Variants in LSAMP observed in about 807,000 individuals in gnomAD.
LSAMP encodes the protein limbic system-associated membrane protein.
A neutral mutation model predicts 38.6 loss-of-function variants in LSAMP; 7 were observed. The observed-to-expected ratio is 0.18, with a 90% CI of 0.10 to 0.34. The LOEUF is 0.34. Among genes scored for constraint, LSAMP ranks in the 10% least tolerant of loss-of-function variants. LSAMP has a pLI of 1.00. For missense variants in LSAMP, 313 were observed against 420.0 expected (o/e 0.75, Z 2.23); for synonymous variants, 154 against 166.8 (o/e 0.92, Z 0.59).
intron 4 of LSAMP, among the ~76,000 whole-genome samples, chr3:115,848,871 G>C (rs1305276507): frequency 6.6e-6 from 1 of 152,138 alleles, no homozygotes; most frequent in African/African-American, 2.4e-5. Flanking sequence ...AATTTCTCCA[G>C]GAATAGGAAA....
At chr3:116,024,690 A>G (rs1025720555) in intron 2 of LSAMP, among the ~76,000 whole-genome samples, 2 of 152,106 alleles carry the variant, frequency 1.3e-5, no homozygotes, top group Non-Finnish European at 1.5e-5. Context: ...CCTCCATAGA[A>G]TTAAGTTTAG....
chr3:116,383,180 G>A (rs2048583970), intron 1 of LSAMP, among the ~76,000 whole-genome samples: 1 of 152,074 alleles, frequency 6.6e-6, no homozygotes, highest in South Asian at 2.1e-4. Flanking sequence ...AGAAAGTTTG[G>A]AGGCAACAGT....
chr3:116,091,060 C>G (rs926484311), intron 1 of LSAMP, among the ~76,000 whole-genome samples: 2 of 152,188 alleles, frequency 1.3e-5, no homozygotes, highest in Non-Finnish European at 2.9e-5. Flanking sequence ...TATCTCACCT[C>G]TGCAATCTCG....
At chr3:116,431,463 G>T (rs2049280847) in intron 1 of LSAMP, among the ~76,000 whole-genome samples, 1 of 152,024 alleles carries the variant, frequency 6.6e-6, no homozygotes, top group Non-Finnish European at 1.5e-5. Context: ...CTTTTGGTGG[G>T]TAGAGTGATT....
At chr3:116,318,776 G>A (rs750481490) in intron 1 of LSAMP, among the ~76,000 whole-genome samples, 2 of 152,192 alleles carry the variant, frequency 1.3e-5, no homozygotes, top group Non-Finnish European at 2.9e-5. Context: ...TCTGAAAGTA[G>A]AAGTTTTTGG....
intron 2 of LSAMP, among the ~76,000 whole-genome samples, chr3:116,083,163 A>G (rs138118027): frequency 3.1e-4 from 47 of 152,330 alleles, no homozygotes; most frequent in Non-Finnish European, 5.9e-4. Flanking sequence ...ATAATAGGCA[A>G]CGAGTGAAAG....
intron 3 of LSAMP, among the ~76,000 whole-genome samples, chr3:116,011,604 G>C (rs1212871339): frequency 6.6e-6 from 1 of 151,996 alleles, no homozygotes; most frequent in African/African-American, 2.4e-5. Flanking sequence ...TCCATACTTA[G>C]AAATAGTAGC....
intron 6 of LSAMP, among the ~76,000 whole-genome samples, chr3:115,839,882 G>T (rs2107500617): frequency 6.6e-6 from 1 of 152,356 alleles, no homozygotes; most frequent in East Asian, 1.9e-4. Context: ...TATACAAACA[G>T]AAGCTCTGTA....
chr3:116,249,092 T>C (rs1047839603), intron 1 of LSAMP, among the ~76,000 whole-genome samples: 14 of 142,844 alleles, frequency 9.8e-5, no homozygotes, highest in Non-Finnish European at 6.1e-5. Context: ...GAGCTTGCAG[T>C]GGGCCAAGAT....
At chr3:115,916,847 A>T (rs1937262572) in intron 3 of LSAMP, among the ~76,000 whole-genome samples, 1 of 152,228 alleles carries the variant, frequency 6.6e-6, no homozygotes, top group South Asian at 2.1e-4. Context: ...AGCGTTACAC[A>T]CATTGCATGA....
At chr3:116,103,553 C>T (rs1708396155) in intron 1 of LSAMP, among the ~76,000 whole-genome samples, 1 of 140,104 alleles carries the variant, frequency 7.1e-6, no homozygotes, top group Non-Finnish European at 1.5e-5. Flanking sequence ...TCCTCTCATT[C>T]CATCTTTTTT....
intron 3 of LSAMP, among the ~76,000 whole-genome samples, chr3:115,951,726 T>C (rs903211712): frequency 4.6e-5 from 7 of 152,140 alleles, no homozygotes; most frequent in East Asian, 1.9e-4. Flanking sequence ...CCCTCAAACA[T>C]TGGACTCCAG....
At chr3:116,284,334 A>C (rs2047166467) in intron 1 of LSAMP, among the ~76,000 whole-genome samples, 1 of 152,166 alleles carries the variant, frequency 6.6e-6, no homozygotes, top group Non-Finnish European at 1.5e-5. Context: ...TATTAATCTC[A>C]CACATCTATC....
intron 3 of LSAMP, among the ~76,000 whole-genome samples, chr3:115,950,158 C>A (rs1331429359): frequency 6.6e-6 from 1 of 152,004 alleles, no homozygotes; most frequent in South Asian, 2.1e-4. Context: ...AAAGAAATCC[C>A]CCTGAGAACT....
intron 3 of LSAMP, among the ~76,000 whole-genome samples, chr3:115,976,694 TG>T (rs1334365436): frequency 2.6e-5 from 4 of 152,254 alleles, no homozygotes; most frequent in Admixed American, 6.5e-5. Context: ...GATTGGATCA[TG>T]GGGGCGGATT....
At chr3:116,122,447 TCCTG>T (rs945610135) in intron 1 of LSAMP, among the ~76,000 whole-genome samples, 5 of 152,324 alleles carry the variant, frequency 3.3e-5, no homozygotes, top group Non-Finnish European at 5.9e-5. Context: ...AAAAGGTCTT[TCCTG>T]ACCCCCTGTC....
chr3:116,259,272 C>T (rs2046794774), intron 1 of LSAMP, among the ~76,000 whole-genome samples: 1 of 152,082 alleles, frequency 6.6e-6, no homozygotes, highest in Non-Finnish European at 1.5e-5. Flanking sequence ...ACTCAAAAAC[C>T]TTTTTTAGCT....
intron 1 of LSAMP, among the ~76,000 whole-genome samples, chr3:116,235,287 A>T (rs954994009): frequency 6.6e-6 from 1 of 152,068 alleles, no homozygotes; most frequent in African/African-American, 2.4e-5. Context: ...GCTAATTTTT[A>T]AAATATTTTG....
At chr3:115,982,451 T>C (rs1459468998) in intron 3 of LSAMP, among the ~76,000 whole-genome samples, 1 of 152,196 alleles carries the variant, frequency 6.6e-6, no homozygotes, top group Non-Finnish European at 1.5e-5. Flanking sequence ...AATATGTATT[T>C]ACTTGTTTAT....
Sources: gnomAD v4.1 joint callset for allele counts (sites outside exome capture counted in the v4.1 genomes callset) on GRCh38, gnomAD v4.1.1 for gene constraint, MANE v1.5 for transcripts, NCBI Gene and HGNC (gene_info 2026-07-23, HGNC 2026-07-21) for gene names.